TTC39C: variants seen among roughly 807,000 people sequenced by gnomAD.
TTC39C encodes the protein tetratricopeptide repeat protein 39C.
TTC39C carries 33 observed loss-of-function variants against 76.3 expected under a neutral mutation model. That is an observed-to-expected ratio of 0.43 (90% CI 0.33 to 0.58). The LOEUF is 0.58. Among genes scored for constraint, TTC39C ranks in the 20% least tolerant of loss-of-function variants. TTC39C has a pLI of 0.04. For missense variants in TTC39C, 595 were observed against 701.4 expected, an observed-to-expected ratio of 0.85 and a Z score of 1.71; for synonymous variants, 254 against 260.6, an observed-to-expected ratio of 0.97 and a Z score of 0.24.
chr18:24,122,898 T>G (rs72881745), intron 8 of TTC39C, among the ~76,000 whole-genome samples: 18,513 of 152,280 alleles, frequency 0.12, 1,297 homozygotes, highest in Middle Eastern at 0.28. Context: ...ACCACTTTGG[T>G]TCTCCTACCC....
chr18:24,069,002 C>A (rs879037211), intron 3 of TTC39C, among the ~76,000 whole-genome samples, 155 bp from the exon 4 acceptor site: 2 of 152,236 alleles, frequency 1.3e-5, no homozygotes, highest in Admixed American at 1.3e-4. Context: ...GAATTTGGAG[C>A]TGCCAGGCTC....
chr18:24,114,076 C>T (rs981246966), intron 6 of TTC39C: 5 of 275,560 alleles, frequency 1.8e-5, no homozygotes, highest in Non-Finnish European at 3.5e-5. Flanking sequence ...TGAGAGACTT[C>T]TGGGCCAGGG....
rs1459026504 is a variant in TTC39C, at chr18:24,133,336, ACT to A, written c.*765_*766del. 1.3e-5 allele frequency: 2 copies of A among 152,206 alleles called. No individual in the cohort carries two copies. Among genetic ancestry groups the A allele is most frequent in the East Asian group, 1.9e-4 (1 of 5,206 alleles). The allele number at this position is 152,206 out of a possible 1,614,324, so 9.4% of individuals were successfully genotyped here. A position where few individuals can be genotyped will look rare whatever the true frequency, so the allele number is the denominator to read the frequency against. On this transcript the variant is annotated 3_prime_UTR_variant, in exon 14 of 14. Coordinates refer to ENST00000317571, the MANE Select transcript of TTC39C (RefSeq NM_001135993.2). ...TACAGAATGTTTCAAAGCGATGGAC[ACT>A]CTTTTTCCTTTGAAAGCCAACCAAG...
chr18:24,034,121 G>C (rs996436817), intron 1 of TTC39C, among the ~76,000 whole-genome samples: 1 of 152,210 alleles, frequency 6.6e-6, no homozygotes, highest in African/African-American at 2.4e-5. Context: ...AAAAGATGCA[G>C]ATGTCCCAGA....
intron 5 of TTC39C, among the ~76,000 whole-genome samples, chr18:24,081,299 T>G (rs2084372729): frequency 6.6e-6 from 1 of 152,238 alleles, no homozygotes; most frequent in Admixed American, 6.5e-5. Context: ...TTTCTGAAAT[T>G]TTTATTCTTA....
chr18:24,123,891 A>G lies in TTC39C; in HGVS notation c.1244A>G (p.Gln415Arg). The change falls in exon 9 of 14, where the codon CAG becomes CGG. Residue 415 changes from glutamine (Q) to arginine (R), a missense_variant. By Grantham distance (43) the Gln-to-Arg change is conservative (BLOSUM62 1). Transcript: ENST00000317571. ...DGAQIVFKEV[Q>R]KLFKRKNNQI... The stretch of plus-strand genomic sequence containing the variant: ...GCACAGATTGTCTTTAAAGAAGTTC[A>G]GAAACTCTTCAAAAGGAAAAACAAT... The G allele has an allele frequency of 6.2e-7, 1 of 1,613,470 alleles. No individual in the cohort carries two copies. The highest frequency in any genetic ancestry group is 8.5e-7 in the Non-Finnish European group (1 of 1,179,876).
Position 24,024,671 on chromosome 18 carries a change from A to T in TTC39C, c.167+9633A>T, listed in dbSNP as rs767328606. ...AGGATGTGTGCTGACAGAGTGTCTC[A>T]GAAAACATATCTCCCATCGTTAAAT... On this transcript the variant is annotated intron_variant, in intron 1 of 13. Transcript: ENST00000317571. 1.4e-4 allele frequency among the ~76,000 whole-genome samples: 22 copies of T among 152,308 alleles called. 1 individual carries two copies. The South Asian group carries it at 3.9e-3, about 27-fold the overall frequency.
chr18:24,000,219 C>T (rs2083301574), intron 1 of TTC39C, among the ~76,000 whole-genome samples: 1 of 152,160 alleles, frequency 6.6e-6, no homozygotes, highest in African/African-American at 2.4e-5. Flanking sequence ...TTGGAGTGTG[C>T]CCTTATAGGG....
chr18:24,024,152 A>G lies in TTC39C; in HGVS notation c.167+9114A>G, dbSNP rs755270496. Among the ~76,000 whole-genome samples the G allele has an allele frequency of 4.7e-5, 7 of 149,442 alleles. 1 individual carries two copies. Among genetic ancestry groups the G allele is most frequent in the Non-Finnish European group, 1.0e-4 (7 of 67,374 alleles). ...CTCAGCCTCCCGAGTAGCTGGGACT[A>G]CAGGTGTGTACCACCACGCCAGGCT... On this transcript the variant is annotated intron_variant, in intron 1 of 13. Coordinates refer to ENST00000317571, the MANE Select transcript of TTC39C (RefSeq NM_001135993.2).
intron 1 of TTC39C, among the ~76,000 whole-genome samples, chr18:23,997,710 G>GAAAGAA (rs2083279424): frequency 6.6e-6 from 1 of 151,284 alleles, no homozygotes; most frequent in Non-Finnish European, 1.5e-5. Context: ...AAGAAAGAAA[G>GAAAGAA]AAAGAAAGAA....
rs1343160288 is a variant in TTC39C, at chr18:24,052,582, TTTCTC to T, written c.168-11555_168-11551del. On this transcript the variant is annotated intron_variant, in intron 1 of 13. Transcript: ENST00000317571. ...GCTTTTTTTAAAGAAAATTTACAGT[TTTCTC>T]TTAGATAACTTTGGTGGAGCCAAGG... Among the ~76,000 whole-genome samples the T allele has an allele frequency of 7.2e-4, 110 of 152,330 alleles. 1 individual carries two copies. Among genetic ancestry groups the T allele is most frequent in the African/African-American group, 2.5e-3 (105 of 41,566 alleles).
intron 1 of TTC39C, among the ~76,000 whole-genome samples, chr18:24,021,810 C>T (rs1467974408): frequency 6.6e-6 from 1 of 152,152 alleles, no homozygotes; most frequent in Non-Finnish European, 1.5e-5. Flanking sequence ...TTACCCCTGT[C>T]TTACAGGAAA....
intron 1 of TTC39C, among the ~76,000 whole-genome samples, chr18:24,056,261 T>TG (rs1267420890): frequency 2.0e-5 from 3 of 152,196 alleles, no homozygotes; most frequent in African/African-American, 7.2e-5. Context: ...AAGATGTGGA[T>TG]GACAGCTGTG....
At chr18:24,115,913 A>G (rs1355356203) in intron 7 of TTC39C, among the ~76,000 whole-genome samples, 2 of 152,232 alleles carry the variant, frequency 1.3e-5, no homozygotes, top group South Asian at 2.1e-4. Context: ...GAAAAACTCT[A>G]GCTTTGGTGG....
chr18:24,051,387 C>G (rs572696479), intron 1 of TTC39C, among the ~76,000 whole-genome samples: 2 of 152,326 alleles, frequency 1.3e-5, no homozygotes, highest in East Asian at 3.9e-4. Flanking sequence ...ATGCAAACAT[C>G]GCTGTACACA....
chr18:24,086,705 C>T (rs1253880776), intron 6 of TTC39C, among the ~76,000 whole-genome samples: 1 of 152,184 alleles, frequency 6.6e-6, no homozygotes, highest in African/African-American at 2.4e-5. Flanking sequence ...AGTACTGTGC[C>T]TCGAACCTTC....
intron 7 of TTC39C, among the ~76,000 whole-genome samples, chr18:24,116,198 CT>C (rs2084889046): frequency 6.6e-6 from 1 of 152,226 alleles, no homozygotes; most frequent in Non-Finnish European, 1.5e-5. Context: ...CCTTCCATCT[CT>C]ATTTTGTATT....
At chr18:24,017,845 CAATT>C (rs1162653995) in intron 1 of TTC39C, among the ~76,000 whole-genome samples, 1 of 152,122 alleles carries the variant, frequency 6.6e-6, no homozygotes, top group Non-Finnish European at 1.5e-5. Context: ...CTTATTGTTA[CAATT>C]TAACAGTAGA....
intron 12 of TTC39C, among the ~76,000 whole-genome samples, 172 bp from the exon 13 acceptor site, chr18:24,131,710 C>T (rs747434531): frequency 2.1e-4 from 21 of 100,782 alleles, no homozygotes; most frequent in Non-Finnish European, 4.8e-4. Flanking sequence ...GAAACTCCAT[C>T]TCAAAAAAAA....
Sources: allele counts gnomAD v4.1 joint callset (sites outside exome capture counted in the v4.1 genomes callset), GRCh38; gene constraint gnomAD v4.1.1; transcripts MANE v1.5; gene names NCBI Gene and HGNC (gene_info 2026-07-23, HGNC 2026-07-21).